Variants in GPR158 observed in about 807,000 individuals in gnomAD.
GPR158 encodes the protein G protein-coupled receptor 158.
In GPR158, 30 loss-of-function variants were observed where a neutral mutation model predicts 78.2. The ratio of observed to expected loss-of-function variants is 0.38; its 90% confidence interval spans 0.29 to 0.52. The LOEUF (loss-of-function observed/expected upper bound fraction) is 0.52. Ranked by LOEUF, GPR158 falls within the 20% of genes least tolerant of loss-of-function variation. The pLI, the probability that GPR158 is intolerant of heterozygous loss-of-function variation, is 0.83. For missense variants in GPR158, 1,463 were observed against 1,523.5 expected, an observed-to-expected ratio of 0.96 and a Z score of 0.66; for synonymous variants, 581 against 591.1, an observed-to-expected ratio of 0.98 and a Z score of 0.25.
chr10:25,249,237 T>A (rs1032716850), intron 2 of GPR158, among the ~76,000 whole-genome samples: 12 of 152,156 alleles, frequency 7.9e-5, no homozygotes, highest in Admixed American at 6.5e-5. Flanking sequence ...TTTCTAGATA[T>A]ACAATCATGT....
chr10:25,185,986 A>C (rs1852678800), intron 1 of GPR158, among the ~76,000 whole-genome samples: 1 of 152,192 alleles, frequency 6.6e-6, no homozygotes, highest in South Asian at 2.1e-4. Context: ...AGCACTCCTC[A>C]GCAAATATAA....
At chr10:25,328,927 C>CAAAAAAAAAAAAAAAA (rs3054026) in intron 2 of GPR158, among the ~76,000 whole-genome samples, 2 of 89,112 alleles carry the variant, frequency 2.2e-5, no homozygotes, top group African/African-American at 1.1e-4. Context: ...AACTTCATCA[C>CAAAAAAAAAAAAAAAA]AAAAAAAAAA....
At chr10:25,278,711 A>C (rs1041880755) in intron 2 of GPR158, among the ~76,000 whole-genome samples, 1 of 151,740 alleles carries the variant, frequency 6.6e-6, no homozygotes. Context: ...TACTATCTTC[A>C]AAGTGCTGAC....
At position 25,473,745 on chromosome 10, in the gene GPR158, G is replaced by A. The variant is rs189562278; in HGVS notation, c.1404+7026G>A. Among the ~76,000 whole-genome samples, 381 of 152,118 alleles carry A rather than the reference G, an allele frequency of 2.5e-3. 1 individual carries two copies. The highest frequency in any genetic ancestry group is 3.9e-3 in the Non-Finnish European group (266 of 67,988). ...AGGTTTTCTAGTTTATTTGCATAGA[G>A]GTGTTTATAGTCTTTGCCCATCTCC... On this transcript the variant is annotated intron_variant, in intron 5 of 10. Transcript: ENST00000376351.
At chr10:25,545,054 G>GCA (rs1207084657) in intron 5 of GPR158, among the ~76,000 whole-genome samples, 1 of 152,188 alleles carries the variant, frequency 6.6e-6, no homozygotes, top group Non-Finnish European at 1.5e-5. Context: ...TTTTATGGCT[G>GCA]CATAGTATTC....
At chr10:25,207,414 C>A (rs1182552591) in intron 1 of GPR158, among the ~76,000 whole-genome samples, 5 of 152,220 alleles carry the variant, frequency 3.3e-5, no homozygotes, top group East Asian at 3.9e-4. Flanking sequence ...GCACAAGGGA[C>A]TAGTTTTTGA....
intron 2 of GPR158, among the ~76,000 whole-genome samples, chr10:25,267,669 G>A (rs953774809): frequency 1.3e-5 from 2 of 152,088 alleles, no homozygotes; most frequent in Non-Finnish European, 2.9e-5. Context: ...CTACAAATGT[G>A]CCTTCTAATT....
intron 5 of GPR158, among the ~76,000 whole-genome samples, chr10:25,485,876 T>C (rs923636545): frequency 1.5e-4 from 23 of 152,242 alleles, no homozygotes; most frequent in South Asian, 4.1e-4. Context: ...ACCCCCAAGA[T>C]CATGCTACTA....
intron 3 of GPR158, among the ~76,000 whole-genome samples, chr10:25,400,261 T>C (rs1020446719): frequency 3.3e-5 from 5 of 152,184 alleles, no homozygotes; most frequent in African/African-American, 1.2e-4. Context: ...ATTTACTTAA[T>C]TTATAATTGT....
At chr10:25,291,740 T>A (rs1354008926) in intron 2 of GPR158, among the ~76,000 whole-genome samples, 1 of 151,950 alleles carries the variant, frequency 6.6e-6, no homozygotes, top group African/African-American at 2.4e-5. Flanking sequence ...AATGAACTCT[T>A]CAGAAATCAG....
chr10:25,538,566 C>T (rs1264351617), intron 5 of GPR158, among the ~76,000 whole-genome samples: 1 of 152,150 alleles, frequency 6.6e-6, no homozygotes, highest in African/African-American at 2.4e-5. Flanking sequence ...GATTATCACA[C>T]ATTATAGCCT....
At chr10:25,415,198 T>G (rs893773650) in intron 4 of GPR158, among the ~76,000 whole-genome samples, 2 of 152,046 alleles carry the variant, frequency 1.3e-5, no homozygotes, top group African/African-American at 2.4e-5. Context: ...AACTTTTTTG[T>G]ATCAAAGACA....
chr10:25,337,046 A>C (rs1203325667), intron 2 of GPR158, among the ~76,000 whole-genome samples: 2 of 152,122 alleles, frequency 1.3e-5, no homozygotes, highest in African/African-American at 4.8e-5. Context: ...GTAGATACTT[A>C]ACATTTTATA....
chr10:25,513,036 T>C (rs1836105534), intron 5 of GPR158, among the ~76,000 whole-genome samples: 2 of 152,144 alleles, frequency 1.3e-5, no homozygotes, highest in South Asian at 2.1e-4. Flanking sequence ...TAGGTTGATA[T>C]TGGCTTCATA....
intron 2 of GPR158, among the ~76,000 whole-genome samples, chr10:25,388,872 C>T (rs913716582): frequency 1.3e-5 from 2 of 152,242 alleles, no homozygotes; most frequent in African/African-American, 4.8e-5. Context: ...CTTTCAGTGC[C>T]CACTCCAATC....
intron 1 of GPR158, among the ~76,000 whole-genome samples, chr10:25,177,880 A>G (rs1852561182): frequency 6.6e-6 from 1 of 152,164 alleles, no homozygotes; most frequent in Non-Finnish European, 1.5e-5. Context: ...TCTACTTTCA[A>G]GATAATCTCA....
chr10:25,341,614 T>A (rs1855303418), intron 2 of GPR158, among the ~76,000 whole-genome samples: 1 of 151,950 alleles, frequency 6.6e-6, no homozygotes, highest in Non-Finnish European at 1.5e-5. Context: ...CCCATTACAG[T>A]ATCTGGGCCA....
chr10:25,424,709 T>C (rs1588856991), intron 4 of GPR158, among the ~76,000 whole-genome samples: 1 of 152,172 alleles, frequency 6.6e-6, no homozygotes, highest in African/African-American at 2.4e-5. Context: ...TGTGGTGTTA[T>C]TTCTGAGGCC....
At chr10:25,419,876 G>A (rs565129909) in intron 4 of GPR158, among the ~76,000 whole-genome samples, 174 of 152,086 alleles carry the variant, frequency 1.1e-3, no homozygotes, top group African/African-American at 4.0e-3. Context: ...GTTCACTCTT[G>A]ATGTTGTACA....
Sources: gnomAD v4.1 joint callset for allele counts (sites outside exome capture counted in the v4.1 genomes callset) on GRCh38, gnomAD v4.1.1 for gene constraint, MANE v1.5 for transcripts, NCBI Gene and HGNC (gene_info 2026-07-23, HGNC 2026-07-21) for gene names.